Variants in ZNF281 observed in about 807,000 individuals in gnomAD.
ZNF281 encodes the protein GC-box-binding zinc finger protein 1.
A neutral mutation model predicts 58.8 loss-of-function variants in ZNF281; 2 were observed. The observed-to-expected ratio is 0.03, with a 90% confidence interval of 0.01 to 0.11. The LOEUF (loss-of-function observed/expected upper bound fraction) is 0.11, where lower values mean the gene tolerates loss of function less well. ZNF281 is among the 10% of genes least tolerant of loss of function. The probability of loss-of-function intolerance (pLI) is 1.00; values close to 1 mark genes in which losing one functional copy is unlikely to be tolerated. For missense variants in ZNF281, 975 were observed against 1,090.7 expected (o/e 0.89, Z 1.49); for synonymous variants, 465 against 407.7 (o/e 1.14, Z -1.69).
At position 200,405,802 on chromosome 1, in the gene ZNF281, A is replaced by ACAACCTTATCC. The variant is rs1190600748; in HGVS notation, c.*1215_*1216insGGATAAGGTTG. ...AGGAGTTATGTCACCAGTTGGAATT[A>ACAACCTTATCC]CAACCTTATTAATATCTATCCAAGA... On this transcript the variant is annotated 3_prime_UTR_variant, in exon 2 of 2. Transcript: ENST00000367353. The ACAACCTTATCC allele has an allele frequency of 1.3e-5, 2 of 152,126 alleles. No individual in the cohort carries two copies. The highest frequency in any genetic ancestry group is 4.8e-5 in the African/African-American group (2 of 41,428). The allele number at this position is 152,126 out of a possible 1,614,324, so 9.4% of individuals were successfully genotyped here. A position where few individuals can be genotyped will look rare whatever the true frequency, so the allele number is the denominator to read the frequency against.
chr1:200,406,128 C>T lies in ZNF281; in HGVS notation c.*890G>A, dbSNP rs1478648870. 6.6e-6 allele frequency: 1 copy of T among 152,304 alleles called. No individual in the cohort carries two copies. Among genetic ancestry groups the T allele is most frequent in the East Asian group, 1.9e-4 (1 of 5,198 alleles). The allele number at this position is 152,304 out of a possible 1,614,324, so 9.4% of individuals were successfully genotyped here. On this transcript the variant is annotated 3_prime_UTR_variant, in exon 2 of 2. Transcript: ENST00000367353. ...TGTAGGCCATGTATAATAAATAATGCATGCCCCAAATTTCAGTTAATCATA... is the reference window on the plus strand; with the variant it reads ...TGTAGGCCATGTATAATAAATAATGTATGCCCCAAATTTCAGTTAATCATA...
rs781753261 is a variant in ZNF281 at position 200,409,417 on chromosome 1, C to T, written c.289G>A (p.Asp97Asn). Residue 97 changes from aspartate to asparagine, a missense_variant, in exon 2 of 2, where the codon GAC becomes AAC. This residue lies in a region of ZNF281 where 370 missense variants were observed against 360.9 expected (regional missense o/e 1.03). Transcript: ENST00000367353. ...AAEPPPPPAP[D>N]MTFKKEPAAS... ...GCCGGCTCCTTCTTGAAAGTCATGT[C>T]CGGGGCTGGCGGAGGGGGGGGCTCA... 3 of 1,522,350 alleles carry T rather than the reference C, an allele frequency of 2.0e-6. No homozygotes were observed. Among genetic ancestry groups the T allele is most frequent in the Admixed American group, 2.1e-5 (1 of 47,388 alleles). 94.3% of individuals were successfully genotyped at this position (1,522,350 alleles called of 1,614,324 possible).
intron 1 of ZNF281, 79 bp downstream of exon 1, chr1:200,409,867 T>TCCGGCA (rs1654574657): frequency 9.0e-7 from 1 of 1,111,266 alleles, no homozygotes; most frequent in Non-Finnish European, 1.2e-6. Flanking sequence ...CCCAGTCGCC[T>TCCGGCA]CCGGCACCGG....
chr1:200,405,058 T>C lies in ZNF281; in HGVS notation c.*1960A>G, dbSNP rs566141007. ...AAAAGTTAAAGAAATTCAAAACCTG[T>C]ATAAAACAAACTGGAGAAAAATCAT... On this transcript the variant is annotated 3_prime_UTR_variant, in exon 2 of 2. Transcript: ENST00000367353. 1 of 152,718 alleles carries C rather than the reference T, an allele frequency of 6.5e-6. No individual in the cohort carries two copies. The highest frequency in any genetic ancestry group is 1.5e-5 in the Non-Finnish European group (1 of 68,022). The allele number at this position is 152,718 out of a possible 1,614,324, so 9.5% of individuals were successfully genotyped here. A position where few individuals can be genotyped will look rare whatever the true frequency, so the allele number is the denominator to read the frequency against.
Position 200,407,748 on chromosome 1 carries a change from C to A in ZNF281, c.1958G>T (p.Gly653Val), listed in dbSNP as rs1434005893. 6.2e-7 allele frequency: 1 copy of A among 1,613,974 alleles called. No individual in the cohort carries two copies. The highest frequency in any genetic ancestry group is 2.2e-5 in the East Asian group (1 of 44,900). ...ELVQEENLSPGTQTPSNDKAS... is the reference protein window; with the variant it reads ...ELVQEENLSPVTQTPSNDKAS... ...TTTATCATTTGAAGGTGTTTGGGTG[C>A]CTGGGCTCAAATTTTCTTCTTGAAC... The change falls in exon 2 of 2, where the codon GGC becomes GTC. Residue 653 changes from glycine to valine, a missense_variant. By Grantham distance (109) the Gly-to-Val change is moderately radical. Around this residue, in one of 3 missense-constraint regions of ZNF281, gnomAD observed 579 missense variants for 608.9 expected, o/e 0.95. Coordinates refer to ENST00000367353, the MANE Select transcript of ZNF281 (RefSeq NM_001281293.2).
In ZNF281 at chr1:200,409,392, G is replaced by A. The variant is rs1257850265; in HGVS notation, c.314C>T (p.Ala105Val). 2 of 1,520,802 alleles carry A rather than the reference G, an allele frequency of 1.3e-6. No individual in the cohort carries two copies. Among genetic ancestry groups the A allele is most frequent in the Non-Finnish European group, 8.8e-7 (1 of 1,133,484 alleles). 94.2% of individuals were successfully genotyped at this position (1,520,802 alleles called of 1,614,324 possible). A position where few individuals can be genotyped will look rare whatever the true frequency, so the allele number is the denominator to read the frequency against. ...APDMTFKKEP[A>V]ASAAAFPSQR... ...CGAGGGGAAGGCCGCGGCTGACGCC[G>A]CCGGCTCCTTCTTGAAAGTCATGTC... The change falls in exon 2 of 2, where the codon GCG (alanine) becomes GTG (valine). Residue 105 changes from alanine (A) to valine (V), a missense_variant. Physicochemically the swap from Ala to Val is moderately conservative, Grantham distance 64. Around this residue, in one of 3 missense-constraint regions of ZNF281, gnomAD observed 370 missense variants for 360.9 expected, o/e 1.03. Transcript: ENST00000367353.
In ZNF281 at chr1:200,408,176, A is replaced by T; in HGVS notation, c.1530T>A (p.Ser510Arg). 6.2e-7 allele frequency: 1 copy of T among 1,613,958 alleles called. No individual in the cohort carries two copies. The highest frequency in any genetic ancestry group is 8.5e-7 in the Non-Finnish European group (1 of 1,180,024). Residue 510 changes from serine (S) to arginine (R), a missense_variant, in exon 2 of 2, where the codon AGT (serine) becomes AGA (arginine). Transcript: ENST00000367353. The stretch of plus-strand genomic sequence containing the variant: ...TTTGGAGAAGACCAATGGTCTCCAC[A>T]CTATTATTTGATACTATGCCAAGTG... ...SGSLGIVSNNSVETIGLLQST... is the reference protein window; with the variant it reads ...SGSLGIVSNNRVETIGLLQST...
In ZNF281 at chr1:200,408,411, A is replaced by T. The variant is rs1484512332; in HGVS notation, c.1295T>A (p.Ile432Lys). 1 of 1,614,016 alleles carries T rather than the reference A, an allele frequency of 6.2e-7. No individual in the cohort carries two copies. Among genetic ancestry groups the T allele is most frequent in the East Asian group, 2.2e-5 (1 of 44,878 alleles). Residue 432 changes from isoleucine to lysine, a missense_variant, in exon 2 of 2, where the codon ATA becomes AAA. Ile to Lys is a moderately radical substitution (Grantham distance 102). Around this residue, in one of 3 missense-constraint regions of ZNF281, gnomAD observed 579 missense variants for 608.9 expected, o/e 0.95. Coordinates refer to ENST00000367353, the MANE Select transcript of ZNF281 (RefSeq NM_001281293.2). Reference protein sequence around the residue: ...KTNESQISNNINMQSYSVEMP... With the variant: ...KTNESQISNNKNMQSYSVEMP... ...TTCTACTGAGTAACTCTGCATGTTT[A>T]TATTATTTGAAATTTGCGATTCATT... is the stretch of plus-strand genomic sequence containing the variant.
chr1:200,407,097 C>G lies in ZNF281; in HGVS notation c.2609G>C (p.Gly870Ala). 1.2e-6 allele frequency: 2 copies of G among 1,614,066 alleles called. No individual in the cohort carries two copies. Among genetic ancestry groups the G allele is most frequent in the Non-Finnish European group, 1.7e-6 (2 of 1,179,990 alleles). ...TACATCAGACATCATATTTGTATAC[C>G]CTGAGAAATCTGACACTGAAGTCCT... ...RVRTSVSDFS[G>A]YTNMMSDVSE... The change falls in exon 2 of 2, where the codon GGG (glycine) becomes GCG (alanine). Residue 870 changes from glycine (G) to alanine (A), a missense_variant. By Grantham distance (60) the Gly-to-Ala change is moderately conservative. Coordinates refer to ENST00000367353, the MANE Select transcript of ZNF281 (RefSeq NM_001281293.2).
Position 200,408,045 on chromosome 1 carries a change from G to C in ZNF281, c.1661C>G (p.Ser554Cys). Residue 554 changes from serine to cysteine, a missense_variant, in exon 2 of 2, where the codon TCT (serine) becomes TGT (cysteine). Coordinates refer to ENST00000367353, the MANE Select transcript of ZNF281 (RefSeq NM_001281293.2). ...GGAGACCATGTGTCCTACGTTTATAGAAAAGGCACTGTTGCTGCTGGCAGT... is the reference window on the plus strand; with the variant it reads ...GGAGACCATGTGTCCTACGTTTATACAAAAGGCACTGTTGCTGCTGGCAGT... ...LPTASSNSAF[S>C]INVGHMVSQQ... is the part of the protein sequence containing the mutation. 2 of 1,614,204 alleles carry C rather than the reference G, an allele frequency of 1.2e-6. No homozygotes were observed. The highest frequency in any genetic ancestry group is 1.7e-6 in the Non-Finnish European group (2 of 1,180,046).
chr1:200,408,194 G>A lies in ZNF281; in HGVS notation c.1512C>T (p.Gly504=). Residue 504 remains glycine (G), a synonymous_variant, in exon 2 of 2, where the codon GGC becomes GGT. Coordinates refer to ENST00000367353, the MANE Select transcript of ZNF281 (RefSeq NM_001281293.2). ...TCTCCACACTATTATTTGATACTAT[G>A]CCAAGTGAGCCACTTGGTTTTCCAG... is the stretch of plus-strand genomic sequence containing the variant. ...SLSGKPSGSL[G]IVSNNSVETI... is the part of the protein sequence containing the mutation. The A allele has an allele frequency of 6.2e-7, 1 of 1,613,468 alleles. No homozygotes were observed. Among genetic ancestry groups the A allele is most frequent in the Non-Finnish European group, 8.5e-7 (1 of 1,179,992 alleles).
In ZNF281 at chr1:200,406,901, A is replaced by G; in HGVS notation, c.*117T>C. ...AAATAAACTAAATATGAAAAGTTGC[A>G]TTGAAAGGGCATCACATTATTCTTA... On this transcript the variant is annotated 3_prime_UTR_variant, in exon 2 of 2. Transcript: ENST00000367353. The G allele has an allele frequency of 2.1e-6, 2 of 948,922 alleles. No individual in the cohort carries two copies. The highest frequency in any genetic ancestry group is 3.0e-6 in the Non-Finnish European group (2 of 665,862). The allele number at this position is 948,922 out of a possible 1,614,324, so 58.8% of individuals were successfully genotyped here. A position where few individuals can be genotyped will look rare whatever the true frequency, so the allele number is the denominator to read the frequency against.
At position 200,407,286 on chromosome 1, in the gene ZNF281, G is replaced by A; in HGVS notation, c.2420C>T (p.Ser807Phe). The change falls in exon 2 of 2, where the codon TCT (serine) becomes TTT (phenylalanine). Residue 807 changes from serine (S) to phenylalanine (F), a missense_variant. Physicochemically the swap from Ser to Phe is radical, Grantham distance 155. Around this residue, in one of 3 missense-constraint regions of ZNF281, gnomAD observed 579 missense variants for 608.9 expected, o/e 0.95. Coordinates refer to ENST00000367353, the MANE Select transcript of ZNF281 (RefSeq NM_001281293.2). ...ATCTATCTGGCTAGCTAACTCCTGAGATGGAATCTGAAAGCCTGTTGAAGA... is the reference window on the plus strand; with the variant it reads ...ATCTATCTGGCTAGCTAACTCCTGAAATGGAATCTGAAAGCCTGTTGAAGA... ...LESSTGFQIP[S>F]QELASQIDPQ... is the part of the protein sequence containing the mutation. 6.2e-7 allele frequency: 1 copy of A among 1,614,196 alleles called. No individual in the cohort carries two copies. The highest frequency in any genetic ancestry group is 8.5e-7 in the Non-Finnish European group (1 of 1,180,036).
In ZNF281 at chr1:200,409,158, T is replaced by C. The variant is rs555505902; in HGVS notation, c.548A>G (p.His183Arg). The C allele has an allele frequency of 3.0e-5, 49 of 1,614,042 alleles. No individual in the cohort carries two copies. The highest frequency in any genetic ancestry group is 4.4e-5 in the South Asian group (4 of 91,084). The change falls in exon 2 of 2, where the codon CAT (histidine) becomes CGT (arginine). Residue 183 changes from histidine to arginine, a missense_variant. By Grantham distance (29) the His-to-Arg change is conservative. Coordinates refer to ENST00000367353, the MANE Select transcript of ZNF281 (RefSeq NM_001281293.2). ...GTGCTGGGCTGGTTGCTGCTGGACATGCTGGTGGAGAATACTGAGGTCCTG... is the reference window on the plus strand; with the variant it reads ...GTGCTGGGCTGGTTGCTGCTGGACACGCTGGTGGAGAATACTGAGGTCCTG... ...VIQDLSILHQHVQQQPAQHHR... is the reference protein window; with the variant it reads ...VIQDLSILHQRVQQQPAQHHR...
chr1:200,408,302 C>T lies in ZNF281; in HGVS notation c.1404G>A (p.Lys468=), dbSNP rs765639421. Residue 468 remains lysine (K), a synonymous_variant, in exon 2 of 2, where the codon AAG becomes AAA. Coordinates refer to ENST00000367353, the MANE Select transcript of ZNF281 (RefSeq NM_001281293.2). ...LQKRVPKLIF[K]KGSRKNTDKN... ...TATCTGTATTCTTTCTGCTTCCTTTCTTAAAGATCAATTTTGGCACCCTCT... is the reference window on the plus strand; with the variant it reads ...TATCTGTATTCTTTCTGCTTCCTTTTTTAAAGATCAATTTTGGCACCCTCT... 26 of 1,612,302 alleles carry T rather than the reference C, an allele frequency of 1.6e-5. No homozygotes were observed. The South Asian group carries it at 2.7e-4, about 17-fold the overall frequency.
intron 1 of ZNF281, 59 bp from the exon 2 acceptor site, chr1:200,409,782 G>A (rs977821095): frequency 3.3e-6 from 5 of 1,510,898 alleles, no homozygotes; most frequent in Non-Finnish European, 4.4e-6. Flanking sequence ...CGGGCCCCGG[G>A]CCGGGACCAC....
chr1:200,408,235 C>T lies in ZNF281; in HGVS notation c.1471G>A (p.Gly491Arg). The T allele has an allele frequency of 6.2e-7, 1 of 1,612,236 alleles. No homozygotes were observed. Among genetic ancestry groups the T allele is most frequent in the Non-Finnish European group, 8.5e-7 (1 of 1,180,018 alleles). The change falls in exon 2 of 2, where the codon GGA (glycine) becomes AGA (arginine). Residue 491 changes from glycine (G) to arginine (R), a missense_variant. Coordinates refer to ENST00000367353, the MANE Select transcript of ZNF281 (RefSeq NM_001281293.2). ...GGTTTTCCAGACAAGGATTTCTGTC[C>T]TACTATGTCTGGTAATGGTGACACA... The part of the protein sequence containing the change: ...NFVSPLPDIV[G>R]QKSLSGKPSG...
chr1:200,409,779 C>G (rs1249698051), intron 1 of ZNF281, 56 bp from the exon 2 acceptor site: 5 of 1,512,356 alleles, frequency 3.3e-6, no homozygotes, highest in African/African-American at 1.4e-5. Context: ...AACCGGGCCC[C>G]GGGCCGGGAC....
chr1:200,409,633 C>T lies in ZNF281; in HGVS notation c.73G>A (p.Gly25Ser). Reference sequence around the variant, plus strand: ...CCGCCGCCGCCGCCGCCACTACCACCGCCGCCGGAGCCGCTACCACCGCTA... The same window carrying T: ...CCGCCGCCGCCGCCGCCACTACCACTGCCGCCGGAGCCGCTACCACCGCTA... The part of the protein sequence containing the change: ...GSSGGSGSGG[G>S]GSGGGGGGGS... The change falls in exon 2 of 2, where the codon GGT becomes AGT. Residue 25 changes from glycine to serine, a missense_variant. Around this residue, in one of 3 missense-constraint regions of ZNF281, gnomAD observed 370 missense variants for 360.9 expected, o/e 1.03. Coordinates refer to ENST00000367353, the MANE Select transcript of ZNF281 (RefSeq NM_001281293.2). 6.4e-7 allele frequency: 1 copy of T among 1,550,482 alleles called. No homozygotes were observed. The highest frequency in any genetic ancestry group is 1.2e-5 in the South Asian group (1 of 84,280).
Sources: gnomAD v4.1 joint callset for allele counts on GRCh38, gnomAD v4.1.1 for gene constraint, gnomAD v4.1.1 regional missense constraint, MANE v1.5 for transcripts, NCBI Gene and HGNC (gene_info 2026-07-23, HGNC 2026-07-21) for gene names.